COPG2: variants seen among roughly 807,000 people sequenced by gnomAD.
COPG2 encodes the protein coat protein complex I subunit gamma 2, also known as coatomer subunit gamma-2.
COPG2 carries 37 observed loss-of-function variants against 46.3 expected under a neutral mutation model. That is an observed-to-expected ratio of 0.80 (90% confidence interval 0.61 to 1.05). The LOEUF (loss-of-function observed/expected upper bound fraction) is 1.05, where lower values mean the gene tolerates loss of function less well. Ranked by LOEUF, COPG2 falls within the 50% of genes least tolerant of loss-of-function variation. The pLI is 0.00. For synonymous variants in COPG2, 159 were observed against 129.7 expected (o/e 1.23, Z -1.53); for missense variants, 427 against 387.8 (o/e 1.10, Z -0.85).
intron 5 of COPG2, among the ~76,000 whole-genome samples, chr7:130,642,677 T>G (rs1312701815): frequency 6.6e-6 from 1 of 152,160 alleles, no homozygotes; most frequent in African/African-American, 2.4e-5. Flanking sequence ...AGTTTAGGGC[T>G]ATCACAAATA....
At position 130,557,840 on chromosome 7, in the gene COPG2, C is replaced by CAAAAAAAAA. The variant is rs1793655722; in HGVS notation, c.1129-2709_1129-2708insTTTTTTTTT. ...CTCAAAAAAAAAAAAAAAAAAAAAT[C>CAAAAAAAAA]ATGCAAGAATAGCCAGGAAAACAAT... On this transcript the variant is annotated intron_variant, in intron 12 of 23. Coordinates refer to ENST00000425248, the MANE Select transcript of COPG2 (RefSeq NM_012133.6). Among the ~76,000 whole-genome samples, 124 of 22,280 alleles carry CAAAAAAAAA rather than the reference C, an allele frequency of 5.6e-3. 26 individuals are homozygous for CAAAAAAAAA. Among genetic ancestry groups the CAAAAAAAAA allele is most frequent in the Non-Finnish European group, 8.4e-3 (91 of 10,842 alleles). The allele number at this position is 22,280 out of a possible 152,430, so 14.6% of individuals were successfully genotyped here. A position where few individuals can be genotyped will look rare whatever the true frequency, so the allele number is the denominator to read the frequency against.
intron 11 of COPG2, among the ~76,000 whole-genome samples, chr7:130,563,056 A>G (rs1436007413): frequency 6.6e-6 from 1 of 152,218 alleles, no homozygotes; most frequent in Non-Finnish European, 1.5e-5. Context: ...GCTCTTGAAT[A>G]TAAAATGCTT....
At chr7:130,637,897 T>C (rs1554456588) in intron 5 of COPG2, among the ~76,000 whole-genome samples, 2 of 152,188 alleles carry the variant, frequency 1.3e-5, no homozygotes, top group South Asian at 4.1e-4. Context: ...GACCTTCAGA[T>C]GGGGTTTCTG....
intron 18 of COPG2, among the ~76,000 whole-genome samples, chr7:130,549,020 T>G (rs1417713654): frequency 6.8e-6 from 1 of 146,508 alleles, no homozygotes; most frequent in African/African-American, 2.6e-5. Context: ...TAAGTAAGCT[T>G]ATATATTAAT....
At chr7:130,653,335 C>A (rs549580282) in intron 4 of COPG2, among the ~76,000 whole-genome samples, 161 of 152,300 alleles carry the variant, frequency 1.1e-3, no homozygotes, top group Non-Finnish European at 1.5e-3. Context: ...CTCACCACAA[C>A]CTCCGCCTCC....
intron 9 of COPG2, chr7:130,607,585 AC>A: frequency 2.2e-6 from 1 of 450,292 alleles, no homozygotes; most frequent in South Asian, 1.7e-5. Context: ...TTATCTTACA[AC>A]TACTGCTTTT....
chr7:130,520,487 T>A (rs1028892760), intron 20 of COPG2, among the ~76,000 whole-genome samples: 1 of 152,242 alleles, frequency 6.6e-6, no homozygotes, highest in Non-Finnish European at 1.5e-5. Context: ...GCCTAAATAC[T>A]TGTTAATATG....
intron 20 of COPG2, among the ~76,000 whole-genome samples, chr7:130,525,314 AT>A (rs1258803220): frequency 2.0e-5 from 3 of 152,216 alleles, no homozygotes; most frequent in African/African-American, 7.2e-5. Context: ...AGTTGGTTTC[AT>A]GACCGTCATC....
At chr7:130,662,904 G>A (rs1317569381) in intron 4 of COPG2, 63 bp downstream of exon 4, 7 of 970,248 alleles carry the variant, frequency 7.2e-6, no homozygotes, top group South Asian at 2.9e-5. Flanking sequence ...AACACTCTTA[G>A]TTCCCTGGGG....
intron 20 of COPG2, among the ~76,000 whole-genome samples, chr7:130,535,304 G>A (rs1003690285): frequency 1.5e-4 from 23 of 152,144 alleles, no homozygotes; most frequent in East Asian, 5.8e-4. Flanking sequence ...AGGCAGCGCC[G>A]ACAGGGGAGT....
chr7:130,546,984 G>A (rs1793454160), intron 20 of COPG2: 1 of 152,160 alleles, frequency 6.6e-6, no homozygotes, highest in African/African-American at 2.4e-5. Context: ...AGAAATCAAG[G>A]AGGAAAATGA....
chr7:130,653,095 G>A, intron 4 of COPG2, 147 bp from the exon 5 acceptor site: 2 of 587,430 alleles, frequency 3.4e-6, no homozygotes, highest in Non-Finnish European at 3.0e-6. Context: ...ATTAATATCT[G>A]GGTGAGAAAC....
intron 20 of COPG2, chr7:130,509,383 G>A (rs371809783): frequency 2.2e-5 from 10 of 453,044 alleles, no homozygotes; most frequent in East Asian, 6.6e-5. Context: ...TGAAGGAGGG[G>A]ATTTAGCAAG....
intron 5 of COPG2, among the ~76,000 whole-genome samples, chr7:130,647,933 T>C (rs1554458518): frequency 6.6e-6 from 1 of 152,054 alleles, no homozygotes; most frequent in African/African-American, 2.4e-5. Flanking sequence ...GGTTTCACCG[T>C]GTTAGCCAGG....
intron 9 of COPG2, chr7:130,608,110 A>G: frequency 1.1e-5 from 4 of 369,440 alleles, no homozygotes; most frequent in Non-Finnish European, 1.6e-5. Flanking sequence ...TTTAAGATCT[A>G]TATGTTTTAC....
intron 5 of COPG2, among the ~76,000 whole-genome samples, chr7:130,623,250 A>G (rs1285185164): frequency 6.6e-6 from 1 of 152,226 alleles, no homozygotes; most frequent in Non-Finnish European, 1.5e-5. Flanking sequence ...GGCCCCAGGA[A>G]CCAGGGTCTC....
Position 130,506,474 on chromosome 7 carries a change from T to C in COPG2, c.*202A>G. The C allele has an allele frequency of 8.3e-6, 3 of 363,300 alleles. No individual in the cohort carries two copies. The highest frequency in any genetic ancestry group is 1.5e-5 in the Non-Finnish European group (3 of 205,330). The allele number at this position is 363,300 out of a possible 1,614,324, so 22.5% of individuals were successfully genotyped here. A position where few individuals can be genotyped will look rare whatever the true frequency, so the allele number is the denominator to read the frequency against. ...CACTATCGTCCCAAAGCTGACCAAG[T>C]AGAATAAAAAGAAAAAAAAAAAAAA... On this transcript the variant is annotated 3_prime_UTR_variant, in exon 24 of 24. Transcript: ENST00000425248.
At chr7:130,575,302 C>T (rs1271603631) in intron 9 of COPG2, among the ~76,000 whole-genome samples, 1 of 152,148 alleles carries the variant, frequency 6.6e-6, no homozygotes, top group African/African-American at 2.4e-5. Context: ...AGTTGTGAGA[C>T]AGACGCACCA....
chr7:130,629,978 C>T (rs533934582), intron 5 of COPG2, among the ~76,000 whole-genome samples: 7 of 148,498 alleles, frequency 4.7e-5, no homozygotes, highest in African/African-American at 7.5e-5. Flanking sequence ...AGTGCAATGG[C>T]GCAATCTCGG....
Sources: allele counts gnomAD v4.1 joint callset (sites outside exome capture counted in the v4.1 genomes callset), GRCh38; gene constraint gnomAD v4.1.1; transcripts MANE v1.5; gene names NCBI Gene and HGNC (gene_info 2026-07-23, HGNC 2026-07-21).